Variants in SV2B observed in about 807,000 individuals in gnomAD.
SV2B encodes the protein synaptic vesicle glycoprotein 2B.
SV2B carries 41 observed loss-of-function variants against 73.9 expected under a neutral mutation model. The ratio of observed to expected loss-of-function variants is 0.56; its 90% CI spans 0.43 to 0.72. The LOEUF is 0.72. Among genes scored for constraint, SV2B ranks in the 30% least tolerant of loss-of-function variants. The pLI is 0.00. For synonymous variants in SV2B, 314 were observed against 314.2 expected (o/e 1.00, Z 0.01); for missense variants, 764 against 857.8 (o/e 0.89, Z 1.37).
At chr15:91,208,423 G>A (rs2045725434) in intron 1 of SV2B, among the ~76,000 whole-genome samples, 1 of 152,172 alleles carries the variant, frequency 6.6e-6, no homozygotes, top group Non-Finnish European at 1.5e-5. Context: ...GATTTCAGAG[G>A]TGAAAGTTGC....
intron 2 of SV2B, among the ~76,000 whole-genome samples, chr15:91,247,118 T>G (rs1008658370): frequency 3.9e-5 from 6 of 152,176 alleles, no homozygotes; most frequent in Non-Finnish European, 7.4e-5. Flanking sequence ...AGACAGCATT[T>G]GAGAAGCTCT....
At position 91,267,771 on chromosome 15, in the gene SV2B, A is replaced by T; in HGVS notation, c.1208+128A>T. ...AGGATGCTTTGGTGGCAAGTAGCAGAAAACCAACTCTAGTGGCTTCTACAA... is the reference window on the plus strand; with the variant it reads ...AGGATGCTTTGGTGGCAAGTAGCAGTAAACCAACTCTAGTGGCTTCTACAA... On this transcript the variant is annotated intron_variant, in intron 8 of 12. Coordinates refer to ENST00000394232, the MANE Select transcript of SV2B (RefSeq NM_001323032.3). This position sits in a 1 kb window ranked among gnomAD's most constrained non-coding sequence, Gnocchi z 4.3. 1 of 771,442 alleles carries T rather than the reference A, an allele frequency of 1.3e-6. No individual in the cohort carries two copies. The highest frequency in any genetic ancestry group is 2.7e-5 in the East Asian group (1 of 37,260). 47.8% of individuals were successfully genotyped at this position (771,442 alleles called of 1,614,324 possible). A position where few individuals can be genotyped will look rare whatever the true frequency, so the allele number is the denominator to read the frequency against.
At chr15:91,182,021 T>C (rs185932201) in intron 1 of SV2B, among the ~76,000 whole-genome samples, 71 of 152,276 alleles carry the variant, frequency 4.7e-4, no homozygotes, top group Middle Eastern at 3.4e-3. Context: ...TTTGCACTTC[T>C]TTTGTTTTAA....
rs555482178 is a variant in SV2B at position 91,150,193 on chromosome 15, G to A, written c.-392+49830G>A. ...AATTTTTTGTATTTTTTTTAGAAGA[G>A]ATGGTGTTTTGCCATGTTGGCCAGG... On this transcript the variant is annotated intron_variant, in intron 1 of 12. Coordinates refer to ENST00000394232, the MANE Select transcript of SV2B (RefSeq NM_001323032.3). Among the ~76,000 whole-genome samples, 15 of 152,200 alleles carry A rather than the reference G, an allele frequency of 9.9e-5. No individual in the cohort carries two copies. The South Asian group carries it at 3.1e-3, about 32-fold the overall frequency.
chr15:91,122,986 G>T lies in SV2B; in HGVS notation c.-392+22623G>T, dbSNP rs1277304338. ...ACAATGTATTGTATTCTTGAAAATT[G>T]CTGGTCAGGTGTGCTGACTCACTCC... is the stretch of plus-strand genomic sequence containing the variant. On this transcript the variant is annotated intron_variant, in intron 1 of 12. Coordinates refer to ENST00000394232, the MANE Select transcript of SV2B (RefSeq NM_001323032.3). The surrounding 1 kb of genome is among the most constrained non-coding windows in gnomAD (Gnocchi z 4.3). Among the ~76,000 whole-genome samples the T allele has an allele frequency of 1.3e-5, 2 of 152,142 alleles. No homozygotes were observed. Among genetic ancestry groups the T allele is most frequent in the Non-Finnish European group, 2.9e-5 (2 of 68,008 alleles).
chr15:91,259,085 C>T (rs1008394405), intron 5 of SV2B, among the ~76,000 whole-genome samples: 4 of 151,540 alleles, frequency 2.6e-5, no homozygotes, highest in Admixed American at 2.6e-4. Context: ...AACAAAGAGA[C>T]ACCCTGTCTC....
At chr15:91,211,564 C>T (rs552527479) in intron 1 of SV2B, among the ~76,000 whole-genome samples, 26 of 148,594 alleles carry the variant, frequency 1.7e-4, no homozygotes, top group African/African-American at 5.5e-4. Flanking sequence ...AGTACAGTGG[C>T]GCAGTCTCGG....
intron 1 of SV2B, among the ~76,000 whole-genome samples, chr15:91,205,615 C>G (rs1344216112): frequency 1.3e-5 from 2 of 152,130 alleles, no homozygotes; most frequent in African/African-American, 4.8e-5. Flanking sequence ...ATCCACCCAC[C>G]TCGGCCTCCC....
chr15:91,219,577 A>C lies in SV2B; in HGVS notation c.-391-6296A>C, dbSNP rs536850526. Among the ~76,000 whole-genome samples, 4 of 152,318 alleles carry C rather than the reference A, an allele frequency of 2.6e-5. No homozygotes were observed. In the South Asian group the frequency reaches 8.3e-4, roughly 32 times the overall value. ...CATGATAGTGGGAAACACTGATTTT[A>C]ATAGGTTAAATATTTTTTTGGGGGT... On this transcript the variant is annotated intron_variant, in intron 1 of 12. Transcript: ENST00000394232.
At chr15:91,291,827 GCTT>G (rs1184658958) in intron 12 of SV2B, among the ~76,000 whole-genome samples, 1 of 152,188 alleles carries the variant, frequency 6.6e-6, no homozygotes, top group African/African-American at 2.4e-5. Flanking sequence ...TCTTACGGAA[GCTT>G]CTTGGGAACT....
At chr15:91,107,127 G>T (rs183175494) in intron 1 of SV2B, among the ~76,000 whole-genome samples, 1 of 152,060 alleles carries the variant, frequency 6.6e-6, no homozygotes, top group Non-Finnish European at 1.5e-5. Flanking sequence ...TGTGCCAGTG[G>T]CGGAGAAAAA....
chr15:91,258,821 G>A lies in SV2B; in HGVS notation c.918+267G>A, dbSNP rs755827995. Among the ~76,000 whole-genome samples the A allele has an allele frequency of 6.6e-6, 1 of 151,974 alleles. No individual in the cohort carries two copies. The highest frequency in any genetic ancestry group is 1.5e-5 in the Non-Finnish European group (1 of 68,012). ...AGCTCTTTCCCAAGGCTGTGCAGTG[G>A]TGGAAGGGCAGCTCCTGAGCTGCCT... On this transcript the variant is annotated intron_variant, in intron 5 of 12. Transcript: ENST00000394232. This position sits in a 1 kb window ranked among gnomAD's most constrained non-coding sequence, Gnocchi z 4.7.
In SV2B at chr15:91,267,961, C is replaced by A. The variant is rs1210912358; in HGVS notation, c.1208+318C>A. On this transcript the variant is annotated intron_variant, in intron 8 of 12. Transcript: ENST00000394232. This position sits in a 1 kb window ranked among gnomAD's most constrained non-coding sequence, Gnocchi z 4.3. ...GGGACTACAGATGTGTGCCACCACA[C>A]CTGGATAATTTTTGTATTTTTAGTA... is the stretch of plus-strand genomic sequence containing the variant. Among the ~76,000 whole-genome samples the A allele has an allele frequency of 6.6e-6, 1 of 152,134 alleles. No individual in the cohort carries two copies. The highest frequency in any genetic ancestry group is 2.4e-5 in the African/African-American group (1 of 41,400).
intron 1 of SV2B, among the ~76,000 whole-genome samples, chr15:91,216,912 G>C (rs907487460): frequency 7.6e-6 from 1 of 132,302 alleles, no homozygotes; most frequent in East Asian, 2.2e-4. Context: ...TTTTGAGACC[G>C]AGCCTTGCTC....
At chr15:91,148,020 G>A (rs949500145) in intron 1 of SV2B, among the ~76,000 whole-genome samples, 11 of 109,676 alleles carry the variant, frequency 1.0e-4, no homozygotes, top group East Asian at 3.2e-4. Context: ...TTGCTCTGTC[G>A]CCCAGGCTGG....
chr15:91,238,754 C>T (rs951296192), intron 2 of SV2B, among the ~76,000 whole-genome samples: 5 of 152,164 alleles, frequency 3.3e-5, no homozygotes, highest in African/African-American at 1.2e-4. Flanking sequence ...CTAGAATAGG[C>T]TGCCAGAGAG....
intron 5 of SV2B, among the ~76,000 whole-genome samples, chr15:91,259,553 G>A (rs979454321): frequency 5.9e-5 from 9 of 152,210 alleles, no homozygotes; most frequent in African/African-American, 2.2e-4. Context: ...CACAAACCGA[G>A]TGACTTAAAA....
chr15:91,134,016 T>TTTTTTTTTTTTTTTG (rs3082090), intron 1 of SV2B, among the ~76,000 whole-genome samples: 1 of 145,316 alleles, frequency 6.9e-6, no homozygotes, highest in Non-Finnish European at 1.5e-5. Flanking sequence ...TTTTTTTTTT[T>TTTTTTTTTTTTTTTG]GAGATGGAGT....
intron 1 of SV2B, among the ~76,000 whole-genome samples, chr15:91,152,069 C>CTTTTTTTT (rs1295411670): frequency 9.7e-6 from 1 of 103,410 alleles, no homozygotes; most frequent in African/African-American, 4.2e-5. Context: ...TTAATTTTTA[C>CTTTTTTTT]TCTTTTTTTT....
Sources: allele counts gnomAD v4.1 joint callset (sites outside exome capture counted in the v4.1 genomes callset), GRCh38; gene constraint gnomAD v4.1.1; non-coding constraint Gnocchi (gnomAD v3.1); transcripts MANE v1.5; gene names NCBI Gene and HGNC (gene_info 2026-07-23, HGNC 2026-07-21).